The following BFSP2 variants were observed in gnomAD, a reference collection of about 807,000 sequenced individuals.
The protein encoded by BFSP2 is phakinin.
A neutral mutation model predicts 44.9 loss-of-function variants in BFSP2; 38 were observed. That is an observed-to-expected ratio of 0.85 (90% CI 0.65 to 1.11). BFSP2 has a LOEUF of 1.11. Among genes scored for constraint, BFSP2 ranks in the 50% least tolerant of loss-of-function variants. The pLI is 0.00. For missense variants in BFSP2, 525 were observed against 533.0 expected (o/e 0.99, Z 0.15); for synonymous variants, 197 against 209.9 (o/e 0.94, Z 0.53).
intron 1 of BFSP2, among the ~76,000 whole-genome samples, chr3:133,430,939 C>A (rs529217335): frequency 1.3e-5 from 2 of 152,292 alleles, no homozygotes; most frequent in African/African-American, 2.4e-5. Flanking sequence ...AGCCCTCCCC[C>A]ACCTGCCCAG....
intron 1 of BFSP2, among the ~76,000 whole-genome samples, chr3:133,404,446 G>A: frequency 6.6e-6 from 1 of 152,136 alleles, no homozygotes; most frequent in East Asian, 1.9e-4. Flanking sequence ...AGGTGGCACT[G>A]AGGTCGTAAT....
intron 6 of BFSP2, 25 bp from the exon 7 acceptor site, chr3:133,474,944 C>T (rs779855632): frequency 6.2e-7 from 1 of 1,613,998 alleles, no homozygotes; most frequent in Non-Finnish European, 8.5e-7. Flanking sequence ...CCCATTGCTT[C>T]TGACTCCTAT....
chr3:133,469,978 A>G (rs2074147017), intron 5 of BFSP2, among the ~76,000 whole-genome samples: 1 of 152,138 alleles, frequency 6.6e-6, no homozygotes, highest in Non-Finnish European at 1.5e-5. Context: ...CACAGATGTT[A>G]CAAATCCAAT....
intron 1 of BFSP2, among the ~76,000 whole-genome samples, chr3:133,430,050 C>T (rs1013987490): frequency 2.6e-5 from 4 of 151,140 alleles, no homozygotes; most frequent in African/African-American, 7.4e-5. Context: ...ATGATGGTTT[C>T]CAGTTTCATC....
At chr3:133,454,957 A>C (rs1381219595) in intron 4 of BFSP2, among the ~76,000 whole-genome samples, 1 of 152,180 alleles carries the variant, frequency 6.6e-6, no homozygotes, top group Non-Finnish European at 1.5e-5. Flanking sequence ...AGGCCTACAC[A>C]GGGTCAGGAT....
At chr3:133,469,632 G>A (rs1431615303) in intron 5 of BFSP2, among the ~76,000 whole-genome samples, 3 of 152,360 alleles carry the variant, frequency 2.0e-5, no homozygotes, top group South Asian at 2.1e-4. Context: ...CAGCTTGTTT[G>A]CTGGTGCTGT....
intron 1 of BFSP2, 50 bp from the exon 2 acceptor site, chr3:133,447,267 C>A (rs1286390405): frequency 1.3e-6 from 2 of 1,599,704 alleles, no homozygotes; most frequent in African/African-American, 2.7e-5. Flanking sequence ...GGTAAGTGAT[C>A]TTGACGCTCC....
chr3:133,406,841 A>G (rs79405610), intron 1 of BFSP2, among the ~76,000 whole-genome samples: 1,877 of 152,354 alleles, frequency 0.012, 19 homozygotes, highest in South Asian at 0.021. Flanking sequence ...AAATCCCAGA[A>G]GGAACAATGT....
chr3:133,447,210 G>A (rs888264416), intron 1 of BFSP2, 107 bp from the exon 2 acceptor site: 2 of 1,107,518 alleles, frequency 1.8e-6, no homozygotes, highest in Non-Finnish European at 1.4e-6. Context: ...TGTAAGAAAG[G>A]TTCTCTGAGG....
At chr3:133,408,949 C>G (rs1160217688) in intron 1 of BFSP2, among the ~76,000 whole-genome samples, 2 of 152,116 alleles carry the variant, frequency 1.3e-5, no homozygotes, top group Admixed American at 6.5e-5. Flanking sequence ...GTGGAGATGA[C>G]TTTGGAACCA....
rs974845003 is a variant in BFSP2 at position 133,472,576 on chromosome 3, C to G, written c.1244+11C>G. 1 of 1,609,712 alleles carries G rather than the reference C, an allele frequency of 6.2e-7. No homozygotes were observed. The highest frequency in any genetic ancestry group is 8.5e-7 in the Non-Finnish European group (1 of 1,178,862). On this transcript the variant is annotated intron_variant, in intron 6 of 6. Coordinates refer to ENST00000302334, the MANE Select transcript of BFSP2 (RefSeq NM_003571.4). Reference sequence around the variant, plus strand: ...CAGGGAGGAGAGCGGGTAAGCCTCGCTTCCGCGTCAATTATCCAAGAGATG... The same window carrying G: ...CAGGGAGGAGAGCGGGTAAGCCTCGGTTCCGCGTCAATTATCCAAGAGATG...
At chr3:133,418,204 G>T (rs2073562603) in intron 1 of BFSP2, among the ~76,000 whole-genome samples, 1 of 151,500 alleles carries the variant, frequency 6.6e-6, no homozygotes, top group South Asian at 2.1e-4. Context: ...TAGCCCTACT[G>T]CCCAGAGTAC....
At chr3:133,473,255 C>T (rs113865964) in intron 6 of BFSP2, among the ~76,000 whole-genome samples, 1,961 of 152,054 alleles carry the variant, frequency 0.013, 36 homozygotes, top group African/African-American at 0.04. Context: ...GTCCCAGAAA[C>T]AGGTGATCTA....
At chr3:133,449,500 TTTTG>T (rs144765332) in intron 3 of BFSP2, among the ~76,000 whole-genome samples, 1,644 of 150,950 alleles carry the variant, frequency 0.011, 11 homozygotes, top group African/African-American at 0.018. Flanking sequence ...ACATGTGGTT[TTTTG>T]TTTGTTTGTT....
chr3:133,420,838 TC>T lies in BFSP2; in HGVS notation c.489+20268del, dbSNP rs368266223. 1.5e-4 allele frequency among the ~76,000 whole-genome samples: 23 copies of T among 152,252 alleles called. No homozygotes were observed. The East Asian group carries it at 4.4e-3, about 29-fold the overall frequency. On this transcript the variant is annotated intron_variant, in intron 1 of 6. Transcript: ENST00000302334. ...TGCTGAGCAGAGTGTGTCCCTGGAA[TC>T]CACACTCCTACCTGTCTCACCCATC...
intron 2 of BFSP2, among the ~76,000 whole-genome samples, chr3:133,447,659 A>AT (rs573303784): frequency 2.1e-3 from 323 of 152,254 alleles, no homozygotes; most frequent in African/African-American, 7.6e-3. Flanking sequence ...CCCAGGGGCC[A>AT]TATAGAAAAC....
At chr3:133,450,848 A>T (rs983286983) in intron 4 of BFSP2, among the ~76,000 whole-genome samples, 2 of 152,222 alleles carry the variant, frequency 1.3e-5, no homozygotes, top group Admixed American at 1.3e-4. Flanking sequence ...GTGGTAGCTC[A>T]CGCCTGTAAT....
chr3:133,470,027 A>C (rs2074147503), intron 5 of BFSP2, among the ~76,000 whole-genome samples: 1 of 152,248 alleles, frequency 6.6e-6, no homozygotes, highest in African/African-American at 2.4e-5. Flanking sequence ...ACTTTCATGC[A>C]TAAACAAAGA....
chr3:133,446,294 G>A (rs1169128013), intron 1 of BFSP2, among the ~76,000 whole-genome samples: 1 of 151,876 alleles, frequency 6.6e-6, no homozygotes, highest in African/African-American at 2.4e-5. Flanking sequence ...AGTGGCACAT[G>A]CCTGTAATCC....
Sources: allele counts gnomAD v4.1 joint callset (sites outside exome capture counted in the v4.1 genomes callset), GRCh38; gene constraint gnomAD v4.1.1; transcripts MANE v1.5; gene names NCBI Gene and HGNC (gene_info 2026-07-23, HGNC 2026-07-21).